PXK: variants seen among roughly 807,000 people sequenced by gnomAD.
The protein encoded by PXK is PX domain-containing protein kinase-like protein.
Under a neutral mutation model 84.7 loss-of-function variants are expected in PXK, and 35 were observed. The ratio of observed to expected loss-of-function variants is 0.41; its 90% confidence interval spans 0.32 to 0.55. PXK has a LOEUF of 0.55. PXK is among the 20% of genes least tolerant of loss of function. The pLI, the probability that PXK is intolerant of heterozygous loss-of-function variation, is 0.21. For synonymous variants in PXK, 253 were observed against 260.8 expected, an observed-to-expected ratio of 0.97 and a Z score of 0.29; for missense variants, 634 against 699.7, an observed-to-expected ratio of 0.91 and a Z score of 1.06.
At position 58,395,644 on chromosome 3, in the gene PXK, G is replaced by T; in HGVS notation, c.721-14G>T. On this transcript the variant is annotated splice_polypyrimidine_tract_variant and intron_variant, in intron 8 of 17. Transcript: ENST00000356151. ...TCTGCTGCTTTCTTACGTGTTCTTT[G>T]TTCTTTTCCAAAGGCAAAACCAAAA... 6.3e-7 allele frequency: 1 copy of T among 1,588,980 alleles called. No individual in the cohort carries two copies. The highest frequency in any genetic ancestry group is 8.6e-7 in the Non-Finnish European group (1 of 1,158,478).
intron 1 of PXK, among the ~76,000 whole-genome samples, chr3:58,349,357 C>CT (rs547487999): frequency 0.27 from 36,365 of 134,714 alleles, 7,576 homozygotes; most frequent in African/African-American, 0.57. Flanking sequence ...TCATAAATAT[C>CT]TTTTTTTTTT....
chr3:58,401,456 A>C lies in PXK; in HGVS notation c.1181+2079A>C, dbSNP rs187504023. 1.1e-4 allele frequency among the ~76,000 whole-genome samples: 16 copies of C among 152,266 alleles called. 1 individual carries two copies. Among genetic ancestry groups the C allele is most frequent in the African/African-American group, 3.9e-4 (16 of 41,558 alleles). On this transcript the variant is annotated intron_variant, in intron 12 of 17. Transcript: ENST00000356151. This position sits in a 1 kb window ranked among gnomAD's most constrained non-coding sequence, Gnocchi z 4.4. ...TGGCGAAACCCCATCTCTACAAAAAATACAACAACAACAAAATTAGCTAGG... is the reference window on the plus strand; with the variant it reads ...TGGCGAAACCCCATCTCTACAAAAACTACAACAACAACAAAATTAGCTAGG...
Position 58,391,792 on chromosome 3 carries a change from A to C in PXK, c.560A>C (p.Lys187Thr). ...VLSWADLGPD[K>T]YLSDKDFQCL... The stretch of plus-strand genomic sequence containing the variant: ...TTTCAGGCTGACCTTGGCCCAGACA[A>C]GTATTTGTCAGATAAAGATTTTCAG... Residue 187 changes from lysine to threonine, a missense_variant, in exon 7 of 18, where the codon AAG becomes ACG. Around this residue, in one of 3 missense-constraint regions of PXK, gnomAD observed 353 missense variants for 385.2 expected, o/e 0.92. Transcript: ENST00000356151. 6.2e-7 allele frequency: 1 copy of C among 1,613,584 alleles called. No individual in the cohort carries two copies. The highest frequency in any genetic ancestry group is 8.5e-7 in the Non-Finnish European group (1 of 1,179,536).
rs1486325880 is a variant in PXK at position 58,390,184 on chromosome 3, CA to C, written c.389-392del. Among the ~76,000 whole-genome samples, 1 of 151,646 alleles carries C rather than the reference CA, an allele frequency of 6.6e-6. No homozygotes were observed. The highest frequency in any genetic ancestry group is 2.4e-5 in the African/African-American group (1 of 41,284). On this transcript the variant is annotated intron_variant, in intron 4 of 17. Coordinates refer to ENST00000356151, the MANE Select transcript of PXK (RefSeq NM_017771.5). The surrounding 1 kb of genome is among the most constrained non-coding windows in gnomAD (Gnocchi z 4.2). ...CAGAGTGAGACCCTATCTCAAAAAA[CA>C]AAAAACAAAACTAAACAAAAGAAGT...
rs886102818 is a variant in PXK at position 58,383,297 on chromosome 3, G to GATAATA, written c.388+609_388+614dup. On this transcript the variant is annotated intron_variant, in intron 4 of 17. Transcript: ENST00000356151. This position sits in a 1 kb window ranked among gnomAD's most constrained non-coding sequence, Gnocchi z 4.0. Reference sequence around the variant, plus strand: ...ACAGAGCAAGACTCTGTCTTAAAAAGATAATAATAATAATAATTAATCCAC... The same window carrying GATAATA: ...ACAGAGCAAGACTCTGTCTTAAAAAGATAATAATAATAATAATAATAATTAATCCAC... 2.0e-5 allele frequency among the ~76,000 whole-genome samples: 3 copies of GATAATA among 151,820 alleles called. No homozygotes were observed. Among genetic ancestry groups the GATAATA allele is most frequent in the African/African-American group, 7.3e-5 (3 of 41,332 alleles).
Position 58,383,233 on chromosome 3 carries a change from A to G in PXK, c.388+533A>G, listed in dbSNP as rs9846990. Among the ~76,000 whole-genome samples the G allele has an allele frequency of 0.073, 11,101 of 152,278 alleles. 523 individuals carry two copies. The highest frequency in any genetic ancestry group is 0.1 in the South Asian group (492 of 4,824). On this transcript the variant is annotated intron_variant, in intron 4 of 17. Coordinates refer to ENST00000356151, the MANE Select transcript of PXK (RefSeq NM_017771.5). The surrounding 1 kb of genome is among the most constrained non-coding windows in gnomAD (Gnocchi z 4.0). ...CTTGAACCCGGGAGGTGGAGGTTGC[A>G]GTGAGCCGAGATAGCACCACTGCAC...
rs1214047073 is a variant in PXK at position 58,370,681 on chromosome 3, C to A, written c.201+1203C>A. 6.6e-6 allele frequency among the ~76,000 whole-genome samples: 1 copy of A among 152,100 alleles called. No individual in the cohort carries two copies. The highest frequency in any genetic ancestry group is 6.6e-5 in the Admixed American group (1 of 15,250). On this transcript the variant is annotated intron_variant, in intron 3 of 17. Coordinates refer to ENST00000356151, the MANE Select transcript of PXK (RefSeq NM_017771.5). This position sits in a 1 kb window ranked among gnomAD's most constrained non-coding sequence, Gnocchi z 4.2. ...ATACTTCCTTTCCTTCAGAAGGCCA[C>A]GTTTTGTTGGTCAGACTTCAGAAAA...
intron 17 of PXK, among the ~76,000 whole-genome samples, chr3:58,417,814 C>T (rs1053714500): frequency 6.6e-6 from 1 of 152,200 alleles, no homozygotes; most frequent in African/African-American, 2.4e-5. Flanking sequence ...CCCTCCCACC[C>T]TCCTTTGGGA....
At chr3:58,419,067 T>C (rs541360157) in intron 17 of PXK, among the ~76,000 whole-genome samples, 1 of 152,308 alleles carries the variant, frequency 6.6e-6, no homozygotes, top group African/African-American at 2.4e-5. Context: ...GACAGCTGTG[T>C]GGAAATATGA....
chr3:58,381,333 C>T (rs1462753858), intron 3 of PXK, among the ~76,000 whole-genome samples: 4 of 148,820 alleles, frequency 2.7e-5, no homozygotes, highest in Non-Finnish European at 5.9e-5. Flanking sequence ...GTAGGGGATA[C>T]AAAATGGGGT....
intron 1 of PXK, among the ~76,000 whole-genome samples, chr3:58,357,724 G>A (rs1553757963): frequency 6.6e-6 from 1 of 152,122 alleles, no homozygotes. Flanking sequence ...CAAGGTGGGC[G>A]GATCACTTTG....
chr3:58,358,216 C>T (rs1174970829), intron 1 of PXK, among the ~76,000 whole-genome samples: 2 of 152,164 alleles, frequency 1.3e-5, no homozygotes, highest in African/African-American at 4.8e-5. Context: ...ACTACAATCA[C>T]CATGGTGTGC....
At position 58,336,054 on chromosome 3, in the gene PXK, TATATATATATATATA is replaced by T. The variant is rs1318179375; in HGVS notation, c.102+2965_102+2979del. ...CTTGGGAAACATATATATATATATATATATATATATATATATATTTTTTTTTTTTTTTTTTAATAC... is the reference window on the plus strand; with the variant it reads ...CTTGGGAAACATATATATATATATATTATTTTTTTTTTTTTTTTTTAATAC... On this transcript the variant is annotated intron_variant, in intron 1 of 17. Coordinates refer to ENST00000356151, the MANE Select transcript of PXK (RefSeq NM_017771.5). Among the ~76,000 whole-genome samples, 4 of 53,114 alleles carry T rather than the reference TATATATATATATATA, an allele frequency of 7.5e-5. 1 individual carries two copies. Among genetic ancestry groups the T allele is most frequent in the African/African-American group, 3.7e-4 (3 of 8,152 alleles). 34.8% of individuals were successfully genotyped at this position (53,114 alleles called of 152,430 possible). A position where few individuals can be genotyped will look rare whatever the true frequency, so the allele number is the denominator to read the frequency against.
At position 58,411,065 on chromosome 3, in the gene PXK, T is replaced by G. The variant is rs2107595793; in HGVS notation, c.1465+906T>G. Reference sequence around the variant, plus strand: ...ATGCATCTCTTCCTAGCGGTAGGATTTGGTGTGGGCAGGTGAAGAGGCAGA... The same window carrying G: ...ATGCATCTCTTCCTAGCGGTAGGATGTGGTGTGGGCAGGTGAAGAGGCAGA... On this transcript the variant is annotated intron_variant, in intron 16 of 17. Coordinates refer to ENST00000356151, the MANE Select transcript of PXK (RefSeq NM_017771.5). The surrounding 1 kb of genome is among the most constrained non-coding windows in gnomAD (Gnocchi z 4.2). Among the ~76,000 whole-genome samples, 1 of 152,162 alleles carries G rather than the reference T, an allele frequency of 6.6e-6. No individual in the cohort carries two copies. Among genetic ancestry groups the G allele is most frequent in the South Asian group, 2.1e-4 (1 of 4,806 alleles).
chr3:58,356,837 T>G (rs2098090164), intron 1 of PXK, among the ~76,000 whole-genome samples: 1 of 150,932 alleles, frequency 6.6e-6, no homozygotes, highest in South Asian at 2.1e-4. Context: ...CGCCTGACCT[T>G]GTGATCCACC....
chr3:58,412,343 T>C lies in PXK; in HGVS notation c.1466-558T>C, dbSNP rs62258132. 0.24 allele frequency among the ~76,000 whole-genome samples: 36,316 copies of C among 152,040 alleles called. 6,049 individuals are homozygous for C. Among genetic ancestry groups the C allele is most frequent in the East Asian group, 0.8 (4,154 of 5,174 alleles). ...ACAGGTGGGATTCACATTGTTTTAA[T>C]GTGAATAAGGACATTTACTTATTCT... On this transcript the variant is annotated intron_variant, in intron 16 of 17. Coordinates refer to ENST00000356151, the MANE Select transcript of PXK (RefSeq NM_017771.5). The surrounding 1 kb of genome is among the most constrained non-coding windows in gnomAD (Gnocchi z 6.2).
At chr3:58,335,432 T>C (rs1262397281) in intron 1 of PXK, among the ~76,000 whole-genome samples, 1 of 152,232 alleles carries the variant, frequency 6.6e-6, no homozygotes, top group Non-Finnish European at 1.5e-5. Flanking sequence ...GCAAACTTTT[T>C]GGACTGTTAG....
intron 17 of PXK, among the ~76,000 whole-genome samples, chr3:58,415,224 C>A (rs965396089): frequency 6.6e-6 from 1 of 152,140 alleles, no homozygotes; most frequent in African/African-American, 2.4e-5. Flanking sequence ...TGGGTGTCCT[C>A]CAATTCAATT....
chr3:58,350,390 A>C (rs541838465), intron 1 of PXK, among the ~76,000 whole-genome samples: 1 of 152,268 alleles, frequency 6.6e-6, no homozygotes, highest in East Asian at 1.9e-4. Context: ...ATAGTAACTC[A>C]TATTCTCCAG....
Sources: gnomAD v4.1 joint callset for allele counts (sites outside exome capture counted in the v4.1 genomes callset) on GRCh38, gnomAD v4.1.1 for gene constraint, gnomAD v4.1.1 regional missense constraint, Gnocchi (gnomAD v3.1) non-coding constraint, MANE v1.5 for transcripts, NCBI Gene and HGNC (gene_info 2026-07-23, HGNC 2026-07-21) for gene names.